DCC: variants seen among roughly 807,000 people sequenced by gnomAD.
DCC encodes the protein netrin receptor DCC.
DCC carries 58 observed loss-of-function variants against 172.5 expected under a neutral mutation model. The ratio of observed to expected loss-of-function variants is 0.34; its 90% CI spans 0.27 to 0.42. The LOEUF is 0.42. Among genes scored for constraint, DCC ranks in the 10% least tolerant of loss-of-function variants. The pLI is 1.00. For missense variants in DCC, 1,740 were observed against 1,791.0 expected, an observed-to-expected ratio of 0.97 and a Z score of 0.51; for synonymous variants, 709 against 644.5, an observed-to-expected ratio of 1.10 and a Z score of -1.52.
At chr18:52,859,206 A>T (rs1441005981) in intron 2 of DCC, among the ~76,000 whole-genome samples, 2 of 152,176 alleles carry the variant, frequency 1.3e-5, no homozygotes, top group Non-Finnish European at 1.5e-5. Flanking sequence ...AGATCACAAA[A>T]CTAGTTGTTA....
intron 24 of DCC, among the ~76,000 whole-genome samples, chr18:53,466,874 G>A (rs2045628124): frequency 6.6e-6 from 1 of 152,150 alleles, no homozygotes; most frequent in Non-Finnish European, 1.5e-5. Flanking sequence ...GTTTTTGTAG[G>A]ATGTGTGGAC....
chr18:52,990,554 A>ACG (rs2041371978), intron 5 of DCC, among the ~76,000 whole-genome samples: 1 of 132,960 alleles, frequency 7.5e-6, no homozygotes, highest in Non-Finnish European at 1.6e-5. Flanking sequence ...AAAAAAAAAA[A>ACG]AAAAAAAAAA....
At chr18:53,341,388 G>A (rs755831183) in intron 15 of DCC, among the ~76,000 whole-genome samples, 3 of 152,272 alleles carry the variant, frequency 2.0e-5, no homozygotes, top group East Asian at 1.9e-4. Context: ...TCAAGTTGAC[G>A]CATTTGGGAG....
intron 27 of DCC, among the ~76,000 whole-genome samples, chr18:53,525,192 G>T (rs1482730623): frequency 1.3e-5 from 2 of 152,054 alleles, no homozygotes; most frequent in African/African-American, 4.8e-5. Context: ...ACAAGAAATT[G>T]CACAGATCTA....
intron 5 of DCC, among the ~76,000 whole-genome samples, chr18:53,022,838 GA>G (rs1292129342): frequency 3.3e-5 from 5 of 151,146 alleles, no homozygotes; most frequent in Non-Finnish European, 7.4e-5. Flanking sequence ...TCCTGAAAAT[GA>G]AAAAAAATCA....
At chr18:52,680,492 C>G (rs1188730337) in intron 1 of DCC, among the ~76,000 whole-genome samples, 2 of 152,156 alleles carry the variant, frequency 1.3e-5, no homozygotes, top group African/African-American at 2.4e-5. Context: ...TCCTTGCTCT[C>G]TTCCATCAGA....
At chr18:52,342,293 GT>G (rs1983681205) in intron 1 of DCC, among the ~76,000 whole-genome samples, 1 of 151,998 alleles carries the variant, frequency 6.6e-6, no homozygotes, top group African/African-American at 2.4e-5. Flanking sequence ...GTGTGTGTGT[GT>G]GTGTGTGCAC....
chr18:52,595,594 C>T lies in DCC; in HGVS notation c.92-156460C>T, dbSNP rs754362762. On this transcript the variant is annotated intron_variant, in intron 1 of 28. Coordinates refer to ENST00000442544, the MANE Select transcript of DCC (RefSeq NM_005215.4). ...ATGCCATTCTCTCCACTTACTACCC[C>T]TGTGTAACCCTTCACTTGGGGATTT... 2.8e-4 allele frequency among the ~76,000 whole-genome samples: 43 copies of T among 152,314 alleles called. 1 individual carries two copies. Among genetic ancestry groups the T allele is most frequent in the Admixed American group, 1.8e-3 (28 of 15,296 alleles).
chr18:52,594,014 A>C (rs541479259), intron 1 of DCC, among the ~76,000 whole-genome samples: 5 of 152,324 alleles, frequency 3.3e-5, no homozygotes, highest in Admixed American at 2.6e-4. Context: ...CATGTGTTTC[A>C]ATATAAGAGG....
At chr18:52,840,741 ATAT>A (rs904733233) in intron 2 of DCC, among the ~76,000 whole-genome samples, 8 of 152,176 alleles carry the variant, frequency 5.3e-5, no homozygotes, top group African/African-American at 1.9e-4. Context: ...AAAAAGTAAA[ATAT>A]TATTCTTATT....
chr18:53,061,515 C>T (rs981839398), intron 5 of DCC, among the ~76,000 whole-genome samples: 1 of 151,922 alleles, frequency 6.6e-6, no homozygotes, highest in African/African-American at 2.4e-5. Flanking sequence ...TTTATGGTAC[C>T]AGGAAAGAAG....
chr18:53,279,972 A>T (rs2056852217), intron 12 of DCC, among the ~76,000 whole-genome samples: 1 of 152,126 alleles, frequency 6.6e-6, no homozygotes, highest in South Asian at 2.1e-4. Context: ...TAGTAAAAAA[A>T]AACTACCGTT....
rs572959369 is a variant in DCC, at chr18:52,687,270, C to T, written c.92-64784C>T. ...AAAGGCTAGGCTAGTCGTTAGCTAA[C>T]TTTTTCTTTTTCCTTTTTTTTTTTT... On this transcript the variant is annotated intron_variant, in intron 1 of 28. Transcript: ENST00000442544. Among the ~76,000 whole-genome samples the T allele has an allele frequency of 1.2e-3, 173 of 141,368 alleles. 2 individuals are homozygous for T. In the Middle Eastern group the frequency reaches 0.022, roughly 18 times the overall value. The allele number at this position is 141,368 out of a possible 152,430, so 92.7% of individuals were successfully genotyped here.
chr18:52,892,799 G>T (rs867165955), intron 2 of DCC, among the ~76,000 whole-genome samples: 1 of 151,972 alleles, frequency 6.6e-6, no homozygotes, highest in Non-Finnish European at 1.5e-5. Flanking sequence ...GAAATATTTT[G>T]GTTTTCCATT....
Position 52,959,803 on chromosome 18 carries a change from G to A in DCC, c.985+34433G>A, listed in dbSNP as rs561554275. ...GCTATGCATCTGGTTTACAAAATAAGTCAATATACTATTCAAAGAATTTCA... is the reference window on the plus strand; with the variant it reads ...GCTATGCATCTGGTTTACAAAATAAATCAATATACTATTCAAAGAATTTCA... On this transcript the variant is annotated intron_variant, in intron 5 of 28. Coordinates refer to ENST00000442544, the MANE Select transcript of DCC (RefSeq NM_005215.4). 9.7e-4 allele frequency among the ~76,000 whole-genome samples: 147 copies of A among 152,162 alleles called. 1 individual carries two copies. Among genetic ancestry groups the A allele is most frequent in the Non-Finnish European group, 1.3e-3 (86 of 67,996 alleles).
chr18:52,969,584 A>ACTCTCTCTCTCTCTCTCT (rs56024197), intron 5 of DCC, among the ~76,000 whole-genome samples: 4 of 119,440 alleles, frequency 3.3e-5, no homozygotes, highest in Non-Finnish European at 5.0e-5. Flanking sequence ...CCCGCCCCCC[A>ACTCTCTCTCTCTCTCTCT]CTCTCTCTCT....
chr18:52,759,179 A>G (rs2339422), intron 2 of DCC: 31,850 of 152,036 alleles, frequency 0.21, 4,763 homozygotes, highest in African/African-American at 0.42. Flanking sequence ...TATTTCCCCA[A>G]CGCCTATTCC....
At chr18:53,074,754 C>A (rs1344996965) in intron 7 of DCC, among the ~76,000 whole-genome samples, 1 of 152,068 alleles carries the variant, frequency 6.6e-6, no homozygotes, top group African/African-American at 2.4e-5. Flanking sequence ...ATAATACTCA[C>A]CTAGTGTATG....
chr18:52,989,490 T>G (rs894954155), intron 5 of DCC, among the ~76,000 whole-genome samples: 1 of 152,168 alleles, frequency 6.6e-6, no homozygotes, highest in Non-Finnish European at 1.5e-5. Context: ...ACCATGGCAC[T>G]ACAGCCTGGG....
Sources: allele counts gnomAD v4.1 joint callset (sites outside exome capture counted in the v4.1 genomes callset), GRCh38; gene constraint gnomAD v4.1.1; transcripts MANE v1.5; gene names NCBI Gene and HGNC (gene_info 2026-07-23, HGNC 2026-07-21).